The following C12orf56 variants were observed in gnomAD, a reference collection of about 807,000 sequenced individuals.
The protein encoded by C12orf56 is uncharacterized protein C12orf56.
In C12orf56, 71 loss-of-function variants were observed where a neutral mutation model predicts 69.9. That is an observed-to-expected ratio of 1.02 (90% CI 0.84 to 1.24). C12orf56 has a LOEUF of 1.24. Among genes scored for constraint, C12orf56 ranks in the 50% most tolerant of loss-of-function variants. The pLI is 0.00. For synonymous variants in C12orf56, 276 were observed against 274.1 expected (o/e 1.01, Z -0.07); for missense variants, 732 against 738.5 (o/e 0.99, Z 0.10).
intron 1 of C12orf56, among the ~76,000 whole-genome samples, chr12:64,383,043 G>A (rs887567604): frequency 6.6e-6 from 1 of 150,628 alleles, no homozygotes; most frequent in Admixed American, 6.6e-5. Flanking sequence ...CTGGCCGGGC[G>A]CAGTGGCTCA....
At position 64,294,906 on chromosome 12, in the gene C12orf56, T is replaced by A. The variant is rs1446127113; in HGVS notation, c.1113+8729A>T. On this transcript the variant is annotated intron_variant, in intron 6 of 12. Transcript: ENST00000543942. ...AAAAATCATATGAAGAAAAAAAAAT[T>A]TTTTTTTTTTTTGAGATGGAGTCTT... 2.1e-3 allele frequency among the ~76,000 whole-genome samples: 322 copies of A among 150,438 alleles called. 2 individuals are homozygous for A. Among genetic ancestry groups the A allele is most frequent in the Non-Finnish European group, 3.6e-3 (241 of 67,472 alleles).
At chr12:64,286,691 G>A (rs17100271) in intron 6 of C12orf56, among the ~76,000 whole-genome samples, 2 of 152,170 alleles carry the variant, frequency 1.3e-5, no homozygotes, top group African/African-American at 2.4e-5. Context: ...AATTAGGCAA[G>A]TTGGCATTAA....
chr12:64,324,503 A>G (rs1039241277), intron 3 of C12orf56, among the ~76,000 whole-genome samples: 4 of 152,194 alleles, frequency 2.6e-5, no homozygotes, highest in African/African-American at 9.7e-5. Context: ...CCATGTGAAA[A>G]GCAATGTTAA....
chr12:64,289,587 T>C (rs199624803), intron 6 of C12orf56, among the ~76,000 whole-genome samples: 2 of 40,982 alleles, frequency 4.9e-5, no homozygotes, highest in Non-Finnish European at 1.3e-4. Context: ...CAAAGGCTTT[T>C]TCTGCATCTA....
Position 64,277,757 on chromosome 12 carries a change from T to A in C12orf56, c.1357A>T (p.Ile453Phe). The change falls in exon 9 of 13, where the codon ATT (isoleucine) becomes TTT (phenylalanine). Residue 453 changes from isoleucine to phenylalanine, a missense_variant. By Grantham distance (21) the Ile-to-Phe change is conservative (BLOSUM62 0). Coordinates refer to ENST00000543942, the MANE Select transcript of C12orf56 (RefSeq NM_001170633.2). ...TCAAACACAGGACAAGATTTTGGAA[T>A]CTGAGGCTCACTAATTAAAATTACC... ...LLVILISEPQ[I>F]PKSCPVFDIQ... 6.2e-7 allele frequency: 1 copy of A among 1,602,480 alleles called. No individual in the cohort carries two copies. Among genetic ancestry groups the A allele is most frequent in the South Asian group, 1.1e-5 (1 of 88,748 alleles).
At chr12:64,343,920 A>T (rs1360161833) in intron 2 of C12orf56, among the ~76,000 whole-genome samples, 1 of 152,168 alleles carries the variant, frequency 6.6e-6, no homozygotes, top group African/African-American at 2.4e-5. Context: ...AAGTATGTCT[A>T]TGCCAATTAT....
rs541772185 is a variant in C12orf56 at position 64,329,052 on chromosome 12, G to A, written c.488+1908C>T. ...TGCACCCCAGCCTGGGTGACAGAGC[G>A]AGACTCAGTCTCAAAAAAAAAAAAG... On this transcript the variant is annotated intron_variant, in intron 3 of 12. Coordinates refer to ENST00000543942, the MANE Select transcript of C12orf56 (RefSeq NM_001170633.2). 5.3e-5 allele frequency among the ~76,000 whole-genome samples: 8 copies of A among 150,740 alleles called. No homozygotes were observed. In the South Asian group the frequency reaches 1.5e-3, roughly 28 times the overall value.
chr12:64,354,407 T>G (rs2039277947), intron 1 of C12orf56, among the ~76,000 whole-genome samples: 1 of 152,088 alleles, frequency 6.6e-6, no homozygotes, highest in Non-Finnish European at 1.5e-5. Context: ...GCAGTGCACT[T>G]GTCTGTGACC....
At chr12:64,267,365 C>T in intron 12 of C12orf56, 77 bp from the exon 13 acceptor site, 2 of 1,108,864 alleles carry the variant, frequency 1.8e-6, no homozygotes, top group Admixed American at 2.1e-5. Context: ...AGTACATTCA[C>T]ACTCACTGGC....
intron 1 of C12orf56, among the ~76,000 whole-genome samples, chr12:64,358,475 T>TC (rs1412190858): frequency 1.1e-3 from 78 of 73,604 alleles, no homozygotes; most frequent in African/African-American, 3.2e-3. Flanking sequence ...ATAATAATAA[T>TC]AATAATAATC....
intron 1 of C12orf56, among the ~76,000 whole-genome samples, chr12:64,387,286 T>C (rs902144698): frequency 6.6e-6 from 1 of 152,108 alleles, no homozygotes; most frequent in African/African-American, 2.4e-5. Flanking sequence ...ATTCTGCCTA[T>C]CGCAACTTCC....
chr12:64,338,250 C>A, intron 2 of C12orf56: 1 of 542,136 alleles, frequency 1.8e-6, no homozygotes, highest in South Asian at 1.5e-5. Flanking sequence ...ACTATGAGAT[C>A]CAGCTGGCTT....
At chr12:64,284,905 T>A (rs1023419990) in intron 7 of C12orf56, among the ~76,000 whole-genome samples, 152 bp from the exon 8 acceptor site, 1 of 152,216 alleles carries the variant, frequency 6.6e-6, no homozygotes, top group Non-Finnish European at 1.5e-5. Flanking sequence ...ATTGCTAACA[T>A]TGGTTAAGTG....
chr12:64,274,124 A>T (rs2038022726), intron 11 of C12orf56, among the ~76,000 whole-genome samples: 1 of 152,174 alleles, frequency 6.6e-6, no homozygotes, highest in Admixed American at 6.5e-5. Flanking sequence ...GCCACACCCC[A>T]GGAAGGGGCC....
chr12:64,308,919 AG>A (rs1227973535), intron 5 of C12orf56, among the ~76,000 whole-genome samples: 8 of 70,104 alleles, frequency 1.1e-4, no homozygotes, highest in African/African-American at 3.3e-4. Context: ...AAAGAAAGAA[AG>A]AAAGAAAGAA....
chr12:64,376,143 C>T (rs546993698), intron 1 of C12orf56, among the ~76,000 whole-genome samples: 2 of 152,214 alleles, frequency 1.3e-5, no homozygotes, highest in South Asian at 2.1e-4. Flanking sequence ...TGTCCGACTG[C>T]GCATCACACA....
intron 2 of C12orf56, among the ~76,000 whole-genome samples, chr12:64,343,189 C>T (rs939816952): frequency 5.3e-5 from 8 of 152,130 alleles, no homozygotes; most frequent in Admixed American, 5.2e-4. Context: ...GGCCCCACAC[C>T]ACTGGACCCC....
chr12:64,331,110 T>C, intron 2 of C12orf56, 78 bp from the exon 3 acceptor site: 1 of 1,189,784 alleles, frequency 8.4e-7, no homozygotes, highest in Non-Finnish European at 1.2e-6. Flanking sequence ...TCTCATGTAC[T>C]GATTAAATGA....
rs1440066563 is a variant in C12orf56 at position 64,308,950 on chromosome 12, AGAAAG to A, written c.968+3724_968+3728del. On this transcript the variant is annotated intron_variant, in intron 5 of 12. Coordinates refer to ENST00000543942, the MANE Select transcript of C12orf56 (RefSeq NM_001170633.2). ...AAAGAAAGAAAGAAAGAAGAAAGAA[AGAAAG>A]AAAGAAAGAAAGAAAGAAAAGAAAG... Among the ~76,000 whole-genome samples the A allele has an allele frequency of 2.2e-4, 25 of 111,366 alleles. 1 individual carries two copies. The highest frequency in any genetic ancestry group is 1.5e-3 in the South Asian group (5 of 3,356). The allele number at this position is 111,366 out of a possible 152,430, so 73.1% of individuals were successfully genotyped here.
Sources: allele counts gnomAD v4.1 joint callset (sites outside exome capture counted in the v4.1 genomes callset), GRCh38; gene constraint gnomAD v4.1.1; transcripts MANE v1.5; gene names NCBI Gene and HGNC (gene_info 2026-07-23, HGNC 2026-07-21).